The following CAPN13 variants were observed in gnomAD, a reference collection of about 807,000 sequenced individuals.
CAPN13 encodes the protein calpain-13.
CAPN13 carries 90 observed loss-of-function variants against 98.4 expected under a neutral mutation model. The observed-to-expected ratio is 0.92, with a 90% CI of 0.77 to 1.09. The LOEUF (loss-of-function observed/expected upper bound fraction) is 1.09, where lower values mean the gene tolerates loss of function less well. Ranked by LOEUF, CAPN13 falls within the 50% of genes least tolerant of loss-of-function variation. The pLI, the probability that CAPN13 is intolerant of heterozygous loss-of-function variation, is 0.00. For missense variants in CAPN13, 887 were observed against 841.3 expected (o/e 1.05, Z -0.67); for synonymous variants, 330 against 305.5 (o/e 1.08, Z -0.84).
At chr2:30,759,044 T>C (rs1043151855) in intron 7 of CAPN13, among the ~76,000 whole-genome samples, 195 of 18,214 alleles carry the variant, frequency 0.011, 2 homozygotes, top group East Asian at 0.07. Context: ...CCCTCCCTCC[T>C]TCCTTCCTTC....
intron 12 of CAPN13, 88 bp downstream of exon 12, chr2:30,745,635 C>G: frequency 1.5e-6 from 2 of 1,347,026 alleles, no homozygotes; most frequent in Non-Finnish European, 2.1e-6. Flanking sequence ...CCACTGAACA[C>G]GTGGAGGCCA....
At chr2:30,738,348 G>A (rs1304681309) in intron 16 of CAPN13, 52 bp downstream of exon 16, 1 of 1,612,608 alleles carries the variant, frequency 6.2e-7, no homozygotes, top group Non-Finnish European at 8.5e-7. Flanking sequence ...TGTGGGGTGG[G>A]GTTGCCAGCA....
intron 9 of CAPN13, 99 bp from the exon 10 acceptor site, chr2:30,753,297 G>T: frequency 8.1e-7 from 1 of 1,236,628 alleles, no homozygotes. Flanking sequence ...CTGCCCAGAG[G>T]CCAGTGTCTG....
chr2:30,750,036 T>C (rs1200609320), intron 11 of CAPN13, among the ~76,000 whole-genome samples: 1 of 152,194 alleles, frequency 6.6e-6, no homozygotes. Context: ...CTGTTCACAA[T>C]AGCAAAGACA....
chr2:30,745,590 G>T, intron 12 of CAPN13, 133 bp downstream of exon 12: 1 of 819,222 alleles, frequency 1.2e-6, no homozygotes, highest in Non-Finnish European at 1.9e-6. Flanking sequence ...CTAGGCCTGT[G>T]TCTGATGTAA....
At chr2:30,725,910 A>T (rs1257010409) in intron 22 of CAPN13, among the ~76,000 whole-genome samples, 3 of 152,198 alleles carry the variant, frequency 2.0e-5, no homozygotes, top group South Asian at 2.1e-4. Flanking sequence ...TAATAACAAG[A>T]TAATATTAAC....
chr2:30,741,721 C>T (rs898632899), intron 15 of CAPN13, 187 bp downstream of exon 15: 44 of 1,441,820 alleles, frequency 3.1e-5, no homozygotes, highest in East Asian at 7.6e-5. Flanking sequence ...CTGGGTGGGG[C>T]GCCACGTCTC....
intron 1 of CAPN13, among the ~76,000 whole-genome samples, chr2:30,803,341 C>T (rs191403856): frequency 6.6e-6 from 1 of 152,284 alleles, no homozygotes; most frequent in Admixed American, 6.5e-5. Flanking sequence ...CAGCGCCCCT[C>T]TGTGTCTCTG....
At chr2:30,747,100 C>G (rs1285345282) in intron 11 of CAPN13, among the ~76,000 whole-genome samples, 1 of 152,178 alleles carries the variant, frequency 6.6e-6, no homozygotes, top group Admixed American at 6.5e-5. Flanking sequence ...GTCTGTGTGC[C>G]TATGAATGGG....
At chr2:30,731,308 G>T (rs1671078158) in intron 21 of CAPN13, 36 bp downstream of exon 21, 1 of 1,584,486 alleles carries the variant, frequency 6.3e-7, no homozygotes, top group Non-Finnish European at 8.6e-7. Context: ...GGCAGCCTGG[G>T]ACTGTGCCTG....
At chr2:30,801,307 G>C (rs1440529543) in intron 1 of CAPN13, among the ~76,000 whole-genome samples, 1 of 152,000 alleles carries the variant, frequency 6.6e-6, no homozygotes, top group Non-Finnish European at 1.5e-5. Flanking sequence ...CATTTAAATG[G>C]ACAAAGACAA....
chr2:30,784,764 A>C (rs1674176111), intron 2 of CAPN13, among the ~76,000 whole-genome samples: 1 of 152,208 alleles, frequency 6.6e-6, no homozygotes, highest in Admixed American at 6.5e-5. Context: ...CTTTGGGCAG[A>C]GGTCCCCCTA....
chr2:30,791,935 C>T (rs942058267), intron 1 of CAPN13, among the ~76,000 whole-genome samples: 8 of 152,140 alleles, frequency 5.3e-5, no homozygotes, highest in African/African-American at 1.9e-4. Context: ...GATAAATCAC[C>T]TAAATTACAT....
intron 2 of CAPN13, among the ~76,000 whole-genome samples, chr2:30,779,247 C>T (rs925552835): frequency 6.6e-6 from 1 of 152,250 alleles, no homozygotes; most frequent in Non-Finnish European, 1.5e-5. Context: ...AAAGCCCATT[C>T]AGACAGACCT....
At chr2:30,779,386 G>A (rs1025578815) in intron 2 of CAPN13, among the ~76,000 whole-genome samples, 9 of 152,188 alleles carry the variant, frequency 5.9e-5, no homozygotes, top group African/African-American at 2.2e-4. Context: ...AAAGACAGTT[G>A]AGAGAATCTA....
Position 30,739,546 on chromosome 2 carries a change from C to G in CAPN13, c.1537-1089G>C, listed in dbSNP as rs560893681. Among the ~76,000 whole-genome samples the G allele has an allele frequency of 2.0e-5, 3 of 152,204 alleles. No homozygotes were observed. In the East Asian group the frequency reaches 5.8e-4, roughly 29 times the overall value. ...CGGGTCATTTCACCAACATTTCACTCTGGGTTTTATCAGGAAAGTTAGTGT... is the reference window on the plus strand; with the variant it reads ...CGGGTCATTTCACCAACATTTCACTGTGGGTTTTATCAGGAAAGTTAGTGT... On this transcript the variant is annotated intron_variant, in intron 15 of 22. Transcript: ENST00000295055.
intron 18 of CAPN13, among the ~76,000 whole-genome samples, chr2:30,735,313 T>G (rs1252175093): frequency 6.6e-6 from 1 of 152,188 alleles, no homozygotes; most frequent in Non-Finnish European, 1.5e-5. Flanking sequence ...GACTCTAATT[T>G]GGGTCTATGC....
intron 1 of CAPN13, among the ~76,000 whole-genome samples, chr2:30,798,944 T>C (rs1379264115): frequency 6.6e-6 from 1 of 152,204 alleles, no homozygotes; most frequent in East Asian, 1.9e-4. Context: ...TGTGTTTAAT[T>C]ACACTGTTTA....
Position 30,743,428 on chromosome 2 carries a change from G to A in CAPN13, c.1400C>T (p.Ala467Val), listed in dbSNP as rs80066698. The A allele has an allele frequency of 1.1e-3, 1,787 of 1,613,972 alleles. 18 individuals are homozygous for A. In the African/African-American group the frequency reaches 0.02, roughly 18 times the overall value. ...VVVAQTRRKS[A>V]EFLLRIFLKM... is the part of the protein sequence containing the mutation. The stretch of plus-strand genomic sequence containing the variant: ...CAGGAAGATTCGGAGCAAGAACTCC[G>A]CTGATTTTCTCCGTGTCTGTGCAAC... Residue 467 changes from alanine (A) to valine (V), a missense_variant, in exon 13 of 23, where the codon GCG becomes GTG. Ala to Val is a moderately conservative substitution (Grantham distance 64). Transcript: ENST00000295055.
Sources: gnomAD v4.1 joint callset for allele counts (sites outside exome capture counted in the v4.1 genomes callset) on GRCh38, gnomAD v4.1.1 for gene constraint, MANE v1.5 for transcripts, NCBI Gene and HGNC (gene_info 2026-07-23, HGNC 2026-07-21) for gene names.